Variants in ABCA3 observed in about 807,000 individuals in gnomAD.
ABCA3 encodes ATP binding cassette subfamily A member 3, also known as phospholipid-transporting ATPase ABCA3.
A neutral mutation model predicts 172.8 loss-of-function variants in ABCA3; 88 were observed. The observed-to-expected ratio is 0.51, with a 90% CI of 0.43 to 0.61. ABCA3 has a LOEUF of 0.61. ABCA3 is among the 20% of genes least tolerant of loss of function. ABCA3 has a pLI of 0.00. For missense variants in ABCA3, 2,164 were observed against 2,301.0 expected (o/e 0.94, Z 1.22); for synonymous variants, 1,066 against 983.8 (o/e 1.08, Z -1.56).
chr16:2,286,550 G>GAGGATGTGGC lies in ABCA3; in HGVS notation c.3278+134_3278+143dup. On this transcript the variant is annotated intron_variant, in intron 22 of 32. Transcript: ENST00000301732. This position sits in a 1 kb window ranked among gnomAD's most constrained non-coding sequence, Gnocchi z 5.2. ...GGAGTTGGGGCTGTGGATGGTGGAG[G>GAGGATGTGGC]AGGATGTGGCAGGGGTTTCCCACCA... The GAGGATGTGGC allele has an allele frequency of 3.7e-6, 4 of 1,092,524 alleles. No individual in the cohort carries two copies. In the South Asian group the frequency reaches 6.0e-5, roughly 17 times the overall value. The allele number at this position is 1,092,524 out of a possible 1,614,324, so 67.7% of individuals were successfully genotyped here. A position where few individuals can be genotyped will look rare whatever the true frequency, so the allele number is the denominator to read the frequency against.
At chr16:2,292,988 AC>A (rs946732360) in intron 18 of ABCA3, among the ~76,000 whole-genome samples, 5 of 150,278 alleles carry the variant, frequency 3.3e-5, no homozygotes, top group East Asian at 1.9e-4. Flanking sequence ...AAAATGAATC[AC>A]CCCCCTAATC....
Position 2,287,255 on chromosome 16 carries a change from G to A in ABCA3, c.3005-288C>T, listed in dbSNP as rs2093664573. Among the ~76,000 whole-genome samples the A allele has an allele frequency of 6.6e-6, 1 of 152,088 alleles. No homozygotes were observed. The highest frequency in any genetic ancestry group is 1.5e-5 in the Non-Finnish European group (1 of 68,036). ...AGCACGGTCCCTGTTCTGAGCCTGGGGCAGTATCCAACTATGACTACCAAG... is the reference window on the plus strand; with the variant it reads ...AGCACGGTCCCTGTTCTGAGCCTGGAGCAGTATCCAACTATGACTACCAAG... On this transcript the variant is annotated intron_variant, in intron 21 of 32. Coordinates refer to ENST00000301732, the MANE Select transcript of ABCA3 (RefSeq NM_001089.3). This position sits in a 1 kb window ranked among gnomAD's most constrained non-coding sequence, Gnocchi z 4.1.
rs771764375 is a variant in ABCA3 at position 2,284,269 on chromosome 16, G to A, written c.3862+10C>T. ...GGGGTGCTGCCCGGGGTCGGGGCTGGGACACTCACTATATTTCTTGCAGTA... is the reference window on the plus strand; with the variant it reads ...GGGGTGCTGCCCGGGGTCGGGGCTGAGACACTCACTATATTTCTTGCAGTA... On this transcript the variant is annotated intron_variant, in intron 25 of 32. Coordinates refer to ENST00000301732, the MANE Select transcript of ABCA3 (RefSeq NM_001089.3). The surrounding 1 kb of genome is among the most constrained non-coding windows in gnomAD (Gnocchi z 5.9). 1.9e-5 allele frequency: 31 copies of A among 1,611,498 alleles called. No homozygotes were observed. The highest frequency in any genetic ancestry group is 5.9e-6 in the Non-Finnish European group (7 of 1,178,472).
Position 2,277,104 on chromosome 16 carries a change from C to G in ABCA3, c.4984-299G>C, listed in dbSNP as rs2093647714. 6.6e-6 allele frequency among the ~76,000 whole-genome samples: 1 copy of G among 152,144 alleles called. No individual in the cohort carries two copies. The highest frequency in any genetic ancestry group is 1.5e-5 in the Non-Finnish European group (1 of 68,020). Reference sequence around the variant, plus strand: ...TTCTGAGCCAGTTCTTTTTTTCCCCCATATTTTTTTAGAGAGAGTCTTGCT... The same window carrying G: ...TTCTGAGCCAGTTCTTTTTTTCCCCGATATTTTTTTAGAGAGAGTCTTGCT... On this transcript the variant is annotated intron_variant, in intron 32 of 32. Coordinates refer to ENST00000301732, the MANE Select transcript of ABCA3 (RefSeq NM_001089.3). This position sits in a 1 kb window ranked among gnomAD's most constrained non-coding sequence, Gnocchi z 5.3.
At chr16:2,317,430 G>A (rs900493763) in intron 9 of ABCA3, 27 bp from the exon 10 acceptor site, 12 of 1,612,360 alleles carry the variant, frequency 7.4e-6, no homozygotes, top group South Asian at 1.1e-5. Flanking sequence ...TGAGTCGGGC[G>A]TGGTGGGCCG....
At chr16:2,310,352 G>C (rs941407374) in intron 10 of ABCA3, among the ~76,000 whole-genome samples, 2 of 151,896 alleles carry the variant, frequency 1.3e-5, no homozygotes, top group African/African-American at 2.4e-5. Flanking sequence ...AGGTTGCAGT[G>C]AGCCGAGATC....
chr16:2,303,781 T>C (rs1336203236), intron 12 of ABCA3, among the ~76,000 whole-genome samples, 188 bp downstream of exon 12: 1 of 152,014 alleles, frequency 6.6e-6, no homozygotes, highest in African/African-American at 2.4e-5. Flanking sequence ...TGGAGGGTCT[T>C]TCTCTCTCTG....
rs1297713285 is a variant in ABCA3, at chr16:2,277,834, G to A, written c.4909+45C>T. 1.2e-6 allele frequency: 2 copies of A among 1,605,334 alleles called. No individual in the cohort carries two copies. Among genetic ancestry groups the A allele is most frequent in the Non-Finnish European group, 1.7e-6 (2 of 1,178,298 alleles). ...CAGCAGATGGGAGAGGCCTAGGTAG[G>A]GGCCCAGGGCCCACCCAGTGGGGGC... is the stretch of plus-strand genomic sequence containing the variant. On this transcript the variant is annotated intron_variant, in intron 31 of 32. Transcript: ENST00000301732. The surrounding 1 kb of genome is among the most constrained non-coding windows in gnomAD (Gnocchi z 5.3).
chr16:2,304,231 G>C lies in ABCA3; in HGVS notation c.1286-81C>G. The C allele has an allele frequency of 3.3e-6, 5 of 1,492,852 alleles. No individual in the cohort carries two copies. The South Asian group carries it at 5.6e-5, about 17-fold the overall frequency. 92.5% of individuals were successfully genotyped at this position (1,492,852 alleles called of 1,614,324 possible). On this transcript the variant is annotated intron_variant, in intron 11 of 32. Coordinates refer to ENST00000301732, the MANE Select transcript of ABCA3 (RefSeq NM_001089.3). ...ACCCGAAGCCCCTGATGGCACACGT[G>C]TGCACATTTGACCTTGCATGGCCAC...
chr16:2,310,384 G>A (rs2093704664), intron 10 of ABCA3, among the ~76,000 whole-genome samples: 1 of 151,742 alleles, frequency 6.6e-6, no homozygotes, highest in Non-Finnish European at 1.5e-5. Context: ...CTCCATCCTA[G>A]CGACAGAGTG....
intron 8 of ABCA3, among the ~76,000 whole-genome samples, chr16:2,318,084 C>T (rs552617954): frequency 2.0e-5 from 3 of 152,380 alleles, no homozygotes; most frequent in African/African-American, 7.2e-5. Flanking sequence ...GAAGCTACGT[C>T]AGGCGGCAGG....
At position 2,308,360 on chromosome 16, in the gene ABCA3, G is replaced by A. The variant is rs940717802; in HGVS notation, c.1285+90C>T. ...CCCAACTGCCTGCCAACCGTCCCAG[G>A]TGGAGCCTTGCTGCTGGCGGCTCTT... On this transcript the variant is annotated intron_variant, in intron 11 of 32. Transcript: ENST00000301732. 3 of 1,524,280 alleles carry A rather than the reference G, an allele frequency of 2.0e-6. No homozygotes were observed. In the Admixed American group the frequency reaches 5.3e-5, roughly 27 times the overall value. The allele number at this position is 1,524,280 out of a possible 1,614,324, so 94.4% of individuals were successfully genotyped here. A position where few individuals can be genotyped will look rare whatever the true frequency, so the allele number is the denominator to read the frequency against.
chr16:2,295,783 A>G (rs1447006569), intron 17 of ABCA3, 43 bp from the exon 18 acceptor site: 10 of 1,612,740 alleles, frequency 6.2e-6, no homozygotes, highest in South Asian at 2.2e-5. Flanking sequence ...CTGATCCCCC[A>G]GGTCTCTTCA....
rs1169123724 is a variant in ABCA3, at chr16:2,301,169, T to G, written c.1468-1021A>C. ...TGGCGTGAACCCGGGAGGCGGAGCT[T>G]GCAGTGAGCCGAGATGGCACCACTG... is the stretch of plus-strand genomic sequence containing the variant. On this transcript the variant is annotated intron_variant, in intron 12 of 32. Coordinates refer to ENST00000301732, the MANE Select transcript of ABCA3 (RefSeq NM_001089.3). Among the ~76,000 whole-genome samples, 5 of 146,360 alleles carry G rather than the reference T, an allele frequency of 3.4e-5. No homozygotes were observed. In the South Asian group the frequency reaches 8.6e-4, roughly 25 times the overall value.
rs1405236405 is a variant in ABCA3 at position 2,281,043 on chromosome 16, C to T, written c.4343G>A (p.Ser1448Asn). Residue 1448 changes from serine to asparagine, a missense_variant, in exon 28 of 33, where the codon AGC becomes AAC. Ser to Asn is a conservative substitution (Grantham distance 46). Coordinates refer to ENST00000301732, the MANE Select transcript of ABCA3 (RefSeq NM_001089.3). The surrounding 1 kb of genome is among the most constrained non-coding windows in gnomAD (Gnocchi z 4.7). ...TGCACCCACCTTTCCGACATCAGAG[C>T]TGATTCTGTGACCCCCGACAAAGGC... ...GDAFVGGHRI[S>N]SDVGKVRQRI... The T allele has an allele frequency of 2.5e-6, 4 of 1,613,838 alleles. No homozygotes were observed. The African/African-American group carries it at 4.0e-5, about 16-fold the overall frequency.
At chr16:2,310,453 A>C (rs569000022) in intron 10 of ABCA3, among the ~76,000 whole-genome samples, 11 of 151,420 alleles carry the variant, frequency 7.3e-5, no homozygotes, top group East Asian at 1.9e-4. Context: ...CAAAACACCC[A>C]CACACACACA....
At position 2,300,592 on chromosome 16, in the gene ABCA3, C is replaced by T. The variant is rs45619437; in HGVS notation, c.1468-444G>A. Among the ~76,000 whole-genome samples the T allele has an allele frequency of 6.5e-3, 996 of 152,300 alleles. 13 individuals are homozygous for T. Among genetic ancestry groups the T allele is most frequent in the African/African-American group, 0.022 (926 of 41,564 alleles). On this transcript the variant is annotated intron_variant, in intron 12 of 32. Coordinates refer to ENST00000301732, the MANE Select transcript of ABCA3 (RefSeq NM_001089.3). The stretch of plus-strand genomic sequence containing the variant: ...TAAGCAAGAGAAGCCGAAGGCGCCA[C>T]GCCTCCCTCTACTATGAGGAAGCCT...
intron 7 of ABCA3, among the ~76,000 whole-genome samples, chr16:2,320,250 C>T: frequency 6.6e-6 from 1 of 151,622 alleles, no homozygotes; most frequent in Non-Finnish European, 1.5e-5. Flanking sequence ...AGGTGCACAC[C>T]ACCATGCCCA....
chr16:2,338,509 A>AC (rs1396717113), intron 1 of ABCA3, among the ~76,000 whole-genome samples: 1 of 152,048 alleles, frequency 6.6e-6, no homozygotes, highest in Admixed American at 6.6e-5. Context: ...ACCCCTGGAG[A>AC]TTCTGGGCTG....
Sources: gnomAD v4.1 joint callset for allele counts (sites outside exome capture counted in the v4.1 genomes callset) on GRCh38, gnomAD v4.1.1 for gene constraint, Gnocchi (gnomAD v3.1) non-coding constraint, MANE v1.5 for transcripts, NCBI Gene and HGNC (gene_info 2026-07-23, HGNC 2026-07-21) for gene names.